Variants in HS3ST4 observed in about 807,000 individuals in gnomAD.
HS3ST4 encodes heparan sulfate glucosamine 3-O-sulfotransferase 4.
A neutral mutation model predicts 29.2 loss-of-function variants in HS3ST4; 17 were observed. The observed-to-expected ratio is 0.58, with a 90% CI of 0.40 to 0.87. The LOEUF (loss-of-function observed/expected upper bound fraction) is 0.87. Among genes scored for constraint, HS3ST4 ranks in the 40% least tolerant of loss-of-function variants. The pLI, the probability that HS3ST4 is intolerant of heterozygous loss-of-function variation, is 0.00. For missense variants in HS3ST4, 627 were observed against 634.5 expected, an observed-to-expected ratio of 0.99 and a Z score of 0.13; for synonymous variants, 314 against 285.7, an observed-to-expected ratio of 1.10 and a Z score of -1.00.
chr16:25,910,666 C>CA (rs990703786), intron 1 of HS3ST4, among the ~76,000 whole-genome samples: 30 of 150,706 alleles, frequency 2.0e-4, no homozygotes, highest in African/African-American at 2.2e-4. Flanking sequence ...AAAAGTTAAA[C>CA]AAAAAAAACA....
intron 1 of HS3ST4, among the ~76,000 whole-genome samples, chr16:25,897,840 A>C (rs1968085109): frequency 6.6e-6 from 1 of 152,144 alleles, no homozygotes; most frequent in Non-Finnish European, 1.5e-5. Flanking sequence ...GTTTATGTTC[A>C]GGTGCTTTGC....
chr16:26,050,147 G>T (rs1418172686), intron 1 of HS3ST4, among the ~76,000 whole-genome samples: 1 of 152,110 alleles, frequency 6.6e-6, no homozygotes, highest in Non-Finnish European at 1.5e-5. Context: ...ATCTGCTTTG[G>T]TCTTTCCAGT....
At chr16:25,762,904 AAAG>A (rs1468816332) in intron 1 of HS3ST4, among the ~76,000 whole-genome samples, 2 of 149,742 alleles carry the variant, frequency 1.3e-5, no homozygotes, top group African/African-American at 2.5e-5. Flanking sequence ...AAAAAAGAAA[AAAG>A]AAAGAAAATG....
chr16:25,812,715 T>G (rs1967053562), intron 1 of HS3ST4, among the ~76,000 whole-genome samples: 1 of 151,718 alleles, frequency 6.6e-6, no homozygotes, highest in African/African-American at 2.4e-5. Flanking sequence ...TTTTTTTTTT[T>G]GTTCTTGAGA....
intron 1 of HS3ST4, among the ~76,000 whole-genome samples, chr16:25,898,885 A>G (rs1357082309): frequency 2.0e-5 from 3 of 152,214 alleles, no homozygotes; most frequent in East Asian, 3.9e-4. Context: ...TACTTTTTTC[A>G]TGTAACTCAA....
At chr16:25,779,620 C>G (rs934188478) in intron 1 of HS3ST4, among the ~76,000 whole-genome samples, 7 of 152,172 alleles carry the variant, frequency 4.6e-5, no homozygotes, top group Non-Finnish European at 1.0e-4. Context: ...ATTTCCTGTG[C>G]TAAAGACCAC....
At chr16:25,756,537 C>A (rs778478743) in intron 1 of HS3ST4, among the ~76,000 whole-genome samples, 2 of 152,124 alleles carry the variant, frequency 1.3e-5, no homozygotes, top group African/African-American at 2.4e-5. Context: ...ACATGACAAC[C>A]ATTTGAGTCC....
At chr16:25,966,938 GGTC>G (rs1198614552) in intron 1 of HS3ST4, among the ~76,000 whole-genome samples, 2 of 152,088 alleles carry the variant, frequency 1.3e-5, no homozygotes, top group Non-Finnish European at 2.9e-5. Flanking sequence ...TAGAGCAGGA[GGTC>G]TCAGCACAGG....
intron 1 of HS3ST4, among the ~76,000 whole-genome samples, chr16:25,751,162 G>A (rs1253159526): frequency 3.9e-5 from 6 of 152,168 alleles, no homozygotes; most frequent in Non-Finnish European, 5.9e-5. Flanking sequence ...GAGCAGTTGC[G>A]CAGGTTCTGA....
chr16:26,098,005 A>G (rs1228701838), intron 1 of HS3ST4, among the ~76,000 whole-genome samples: 14 of 152,236 alleles, frequency 9.2e-5, no homozygotes. Context: ...ACTGGTCATC[A>G]GAGAAATGCA....
At chr16:25,975,519 A>G (rs921933765) in intron 1 of HS3ST4, among the ~76,000 whole-genome samples, 7 of 152,228 alleles carry the variant, frequency 4.6e-5, no homozygotes, top group African/African-American at 1.7e-4. Context: ...TGTAATTTGA[A>G]AAACCTGCAC....
At chr16:26,083,808 C>T (rs943113850) in intron 1 of HS3ST4, among the ~76,000 whole-genome samples, 6 of 152,022 alleles carry the variant, frequency 3.9e-5, no homozygotes, top group African/African-American at 4.8e-5. Context: ...AAAAAACAGT[C>T]ATGTGATGAT....
chr16:26,120,772 A>G (rs951049087), intron 1 of HS3ST4, among the ~76,000 whole-genome samples: 1 of 152,246 alleles, frequency 6.6e-6, no homozygotes, highest in Non-Finnish European at 1.5e-5. Context: ...CTTGCTGACC[A>G]GGTTTCTTGG....
At chr16:26,034,991 G>A (rs1351112557) in intron 1 of HS3ST4, among the ~76,000 whole-genome samples, 1 of 151,916 alleles carries the variant, frequency 6.6e-6, no homozygotes, top group East Asian at 1.9e-4. Context: ...GAAAAAAGAA[G>A]AAAGAAACAA....
chr16:25,912,638 G>C (rs1968252533), intron 1 of HS3ST4, among the ~76,000 whole-genome samples: 1 of 152,280 alleles, frequency 6.6e-6, no homozygotes, highest in Non-Finnish European at 1.5e-5. Flanking sequence ...GCCAATTTCT[G>C]TGCTTCCTTA....
At chr16:25,747,206 GA>G (rs1966690734) in intron 1 of HS3ST4, among the ~76,000 whole-genome samples, 1 of 152,132 alleles carries the variant, frequency 6.6e-6, no homozygotes, top group Non-Finnish European at 1.5e-5. Flanking sequence ...ATTTGGCATG[GA>G]AAAATACCTT....
chr16:25,922,796 C>CA (rs1436718393), intron 1 of HS3ST4, among the ~76,000 whole-genome samples: 1 of 152,208 alleles, frequency 6.6e-6, no homozygotes, highest in Non-Finnish European at 1.5e-5. Flanking sequence ...AGTCTCTGAG[C>CA]ATGTGTCCTA....
At position 25,940,196 on chromosome 16, in the gene HS3ST4, A is replaced by G. The variant is rs1014012828; in HGVS notation, c.735-195416A>G. ...GTCCTCAATTGTGAGAAATCTCCAG[A>G]TTTGATTTTTTTTTTTTTTTTGAAA... On this transcript the variant is annotated intron_variant, in intron 1 of 1. Transcript: ENST00000331351. Among the ~76,000 whole-genome samples, 5 of 124,760 alleles carry G rather than the reference A, an allele frequency of 4.0e-5. No homozygotes were observed. In the South Asian group the frequency reaches 1.1e-3, roughly 27 times the overall value. The allele number at this position is 124,760 out of a possible 152,430, so 81.8% of individuals were successfully genotyped here.
At chr16:25,795,094 TC>T (rs1470101411) in intron 1 of HS3ST4, among the ~76,000 whole-genome samples, 2 of 151,612 alleles carry the variant, frequency 1.3e-5, no homozygotes, top group African/African-American at 4.8e-5. Context: ...GCCTCAGCCT[TC>T]CGAGTAGCTG....
Sources: allele counts gnomAD v4.1 joint callset (sites outside exome capture counted in the v4.1 genomes callset), GRCh38; gene constraint gnomAD v4.1.1; transcripts MANE v1.5; gene names NCBI Gene and HGNC (gene_info 2026-07-23, HGNC 2026-07-21).